Variants in RAB3A observed in about 807,000 individuals in gnomAD.
RAB3A encodes RAB3A, member RAS oncogene family, also known as ras-related protein Rab-3A.
Under a neutral mutation model 19.7 loss-of-function variants are expected in RAB3A, and 5 were observed. The ratio of observed to expected loss-of-function variants is 0.25; its 90% CI spans 0.13 to 0.53. RAB3A has a LOEUF of 0.53. RAB3A is among the 20% of genes least tolerant of loss of function. The pLI is 0.95. For synonymous variants in RAB3A, 119 were observed against 122.1 expected (o/e 0.97, Z 0.17); for missense variants, 189 against 305.6 (o/e 0.62, Z 2.85).
intron 3 of RAB3A, among the ~76,000 whole-genome samples, 197 bp from the exon 4 acceptor site, chr19:18,199,046 T>G (rs776909813): frequency 7.9e-5 from 12 of 151,940 alleles, no homozygotes; most frequent in Non-Finnish European, 1.5e-4. Context: ...TTATTGTTTC[T>G]GTGTTTTGGG....
At chr19:18,198,966 TCCATCCTCCCCA>T in intron 3 of RAB3A, 117 bp from the exon 4 acceptor site, 1 of 1,287,216 alleles carries the variant, frequency 7.8e-7, no homozygotes, top group African/African-American at 1.5e-5. Flanking sequence ...AGCTTGCCCC[TCCATCCTCCCCA>T]CCATCCTTTC....
rs773206072 is a variant in RAB3A at position 18,202,621 on chromosome 19, G to A, written c.120C>T (p.Phe40=). 3.1e-6 allele frequency: 5 copies of A among 1,614,204 alleles called. No individual in the cohort carries two copies. The East Asian group carries it at 1.1e-4, about 36-fold the overall frequency. The change falls in exon 2 of 5, where the codon TTC becomes TTT. Residue 40 remains phenylalanine, a synonymous_variant. Coordinates refer to ENST00000222256, the MANE Select transcript of RAB3A (RefSeq NM_002866.5). The surrounding 1 kb of genome is among the most constrained non-coding windows in gnomAD (Gnocchi z 4.2). ...GCGTGAACGAGTCGTCAGCATAGCG[G>A]AAGAGGAAGGACGTCTTGCCCACGC... ...NSSVGKTSFL[F]RYADDSFTPA... is the part of the protein sequence containing the mutation.
In RAB3A at chr19:18,202,772, G is replaced by T. The variant is rs1271176210; in HGVS notation, c.1-32C>A. 6.4e-7 allele frequency: 1 copy of T among 1,567,256 alleles called. No homozygotes were observed. On this transcript the variant is annotated intron_variant, in intron 1 of 4. Transcript: ENST00000222256. The surrounding 1 kb of genome is among the most constrained non-coding windows in gnomAD (Gnocchi z 4.2). ...ATACCGGGTGTAGCAGAGCCGTGAG[G>T]GGGGCTCTCTCCATCCTCATGTGCC...
chr19:18,198,779 C>G lies in RAB3A; in HGVS notation c.418G>C (p.Glu140Gln). The G allele has an allele frequency of 6.2e-7, 1 of 1,614,208 alleles. No individual in the cohort carries two copies. The highest frequency in any genetic ancestry group is 1.1e-5 in the South Asian group (1 of 91,086). ...VLLVGNKCDM[E>Q]DERVVSSERG... ...TCTGATGACACCACCCGCTCATCCT[C>G]CATGTCACACTTGTTTCCTACCAGC... Residue 140 changes from glutamate to glutamine, a missense_variant, in exon 4 of 5, where the codon GAG becomes CAG. Transcript: ENST00000222256.
At chr19:18,197,782 CTGACAAATCCCACAGAGAAGAAACTTATT>C (rs1967551957) in intron 4 of RAB3A, 122 bp from the exon 5 acceptor site, 1 of 167,314 alleles carries the variant, frequency 6.0e-6, no homozygotes, top group Non-Finnish European at 1.2e-5. Context: ...ATTGAAGGTA[CTGACAAATCCCACAGAGAAGAAACTTATT>C]GAAGGTACTG....
chr19:18,198,773 C>T lies in RAB3A; in HGVS notation c.424G>A (p.Glu142Lys), dbSNP rs749302867. 6.2e-7 allele frequency: 1 copy of T among 1,614,178 alleles called. No individual in the cohort carries two copies. The highest frequency in any genetic ancestry group is 8.5e-7 in the Non-Finnish European group (1 of 1,180,028). Residue 142 changes from glutamate to lysine, a missense_variant, in exon 4 of 5, where the codon GAG becomes AAG. By Grantham distance (56) the Glu-to-Lys change is moderately conservative (BLOSUM62 1). Coordinates refer to ENST00000222256, the MANE Select transcript of RAB3A (RefSeq NM_002866.5). ...CCACGTTCTGATGACACCACCCGCT[C>T]ATCCTCCATGTCACACTTGTTTCCT... The part of the protein sequence containing the change: ...LVGNKCDMED[E>K]RVVSSERGRQ...
At chr19:18,197,763 A>G (rs1967551340) in intron 4 of RAB3A, 103 bp from the exon 5 acceptor site, 2 of 959,424 alleles carry the variant, frequency 2.1e-6, no homozygotes, top group Non-Finnish European at 3.0e-6. Flanking sequence ...TCCCAGTGCC[A>G]AGCAACTTAT....
chr19:18,200,652 G>A (rs1237487187), intron 2 of RAB3A, among the ~76,000 whole-genome samples: 1 of 152,052 alleles, frequency 6.6e-6, no homozygotes, highest in East Asian at 1.9e-4. Flanking sequence ...CAAACGTACT[G>A]TGCCAGGTGC....
chr19:18,198,121 C>G (rs942690753), intron 4 of RAB3A, among the ~76,000 whole-genome samples: 8 of 152,014 alleles, frequency 5.3e-5, no homozygotes, highest in Non-Finnish European at 1.0e-4. Context: ...TCCAGCCCAG[C>G]CCCGTGCACT....
chr19:18,200,544 C>G (rs1967594162), intron 2 of RAB3A, 99 bp from the exon 3 acceptor site: 2 of 1,015,684 alleles, frequency 2.0e-6, no homozygotes, highest in Non-Finnish European at 2.9e-6. Context: ...CTGGGAGAAG[C>G]AGGAGCTTGC....
chr19:18,203,007 G>A (rs1162809442), intron 1 of RAB3A, among the ~76,000 whole-genome samples: 3 of 152,224 alleles, frequency 2.0e-5, no homozygotes, highest in Non-Finnish European at 4.4e-5. Context: ...GGTGCCCCAG[G>A]TGGGGCTGTA....
chr19:18,199,113 T>C (rs1967574270), intron 3 of RAB3A, among the ~76,000 whole-genome samples: 2 of 152,140 alleles, frequency 1.3e-5, no homozygotes, highest in African/African-American at 4.8e-5. Context: ...CTGCCTGCCT[T>C]CGCTTCTCAA....
In RAB3A at chr19:18,202,844, A is replaced by G. The variant is rs935969884; in HGVS notation, c.1-104T>C. The G allele has an allele frequency of 1.2e-6, 1 of 845,104 alleles. No homozygotes were observed. The highest frequency in any genetic ancestry group is 1.5e-5 in the South Asian group (1 of 65,992). 52.4% of individuals were successfully genotyped at this position (845,104 alleles called of 1,614,324 possible). A position where few individuals can be genotyped will look rare whatever the true frequency, so the allele number is the denominator to read the frequency against. Reference sequence around the variant, plus strand: ...AAGGGCTCCAGAAAACGGCCGGTGTATGGAGGACACCCTTATCCCATCAGG... The same window carrying G: ...AAGGGCTCCAGAAAACGGCCGGTGTGTGGAGGACACCCTTATCCCATCAGG... On this transcript the variant is annotated intron_variant, in intron 1 of 4. Coordinates refer to ENST00000222256, the MANE Select transcript of RAB3A (RefSeq NM_002866.5). This position sits in a 1 kb window ranked among gnomAD's most constrained non-coding sequence, Gnocchi z 4.2.
intron 3 of RAB3A, among the ~76,000 whole-genome samples, chr19:18,199,759 G>A (rs1488940397): frequency 6.7e-6 from 1 of 149,910 alleles, no homozygotes; most frequent in Non-Finnish European, 1.5e-5. Context: ...CCCGACCTCA[G>A]GTGATCCACC....
chr19:18,202,470 G>C lies in RAB3A; in HGVS notation c.228+43C>G. Reference sequence around the variant, plus strand: ...GTTGGGGCTGCTTTTCCAAGTACGGGAATCCAACCGAGCCGGGCGGGAGCC... The same window carrying C: ...GTTGGGGCTGCTTTTCCAAGTACGGCAATCCAACCGAGCCGGGCGGGAGCC... On this transcript the variant is annotated intron_variant, in intron 2 of 4. Coordinates refer to ENST00000222256, the MANE Select transcript of RAB3A (RefSeq NM_002866.5). The surrounding 1 kb of genome is among the most constrained non-coding windows in gnomAD (Gnocchi z 4.2). 6.4e-7 allele frequency: 1 copy of C among 1,565,556 alleles called. No individual in the cohort carries two copies. Among genetic ancestry groups the C allele is most frequent in the African/African-American group, 1.4e-5 (1 of 73,942 alleles).
intron 3 of RAB3A, among the ~76,000 whole-genome samples, chr19:18,199,195 C>T (rs548194466): frequency 3.9e-5 from 6 of 152,086 alleles, no homozygotes; most frequent in East Asian, 3.9e-4. Flanking sequence ...CTTGCTCTGT[C>T]GCCCAGGCTG....
In RAB3A at chr19:18,197,449, G is replaced by T. The variant is rs775489919; in HGVS notation, c.*21C>A. ...GAAGGTGGGGAAGACAGGGAAGAGG[G>T]GAAAGGGAGTGGGATGGCTCTCAGC... On this transcript the variant is annotated 3_prime_UTR_variant, in exon 5 of 5. Transcript: ENST00000222256. 1 of 1,600,204 alleles carries T rather than the reference G, an allele frequency of 6.2e-7. No individual in the cohort carries two copies. Among genetic ancestry groups the T allele is most frequent in the Admixed American group, 1.7e-5 (1 of 58,924 alleles).
rs1967624201 is a variant in RAB3A at position 18,202,287 on chromosome 19, T to C, written c.228+226A>G. ...GGACCAAGATCCAGCTGAAACCTCATACATGGAAGAACTTGAAGATGGGGA... is the reference window on the plus strand; with the variant it reads ...GGACCAAGATCCAGCTGAAACCTCACACATGGAAGAACTTGAAGATGGGGA... On this transcript the variant is annotated intron_variant, in intron 2 of 4. Coordinates refer to ENST00000222256, the MANE Select transcript of RAB3A (RefSeq NM_002866.5). This position sits in a 1 kb window ranked among gnomAD's most constrained non-coding sequence, Gnocchi z 4.2. 3.9e-6 allele frequency: 2 copies of C among 515,194 alleles called. No homozygotes were observed. Among genetic ancestry groups the C allele is most frequent in the Admixed American group, 3.3e-5 (1 of 29,986 alleles). 31.9% of individuals were successfully genotyped at this position (515,194 alleles called of 1,614,324 possible).
intron 1 of RAB3A, among the ~76,000 whole-genome samples, 193 bp downstream of exon 1, chr19:18,203,702 TG>T (rs1009447730): frequency 3.9e-5 from 6 of 151,996 alleles, no homozygotes; most frequent in East Asian, 3.9e-4. Context: ...GCAGGGGGGT[TG>T]GGGGGGTTAG....
Sources: allele counts gnomAD v4.1 joint callset (sites outside exome capture counted in the v4.1 genomes callset), GRCh38; gene constraint gnomAD v4.1.1; non-coding constraint Gnocchi (gnomAD v3.1); transcripts MANE v1.5; gene names NCBI Gene and HGNC (gene_info 2026-07-23, HGNC 2026-07-21).